PIK3C2G: variants seen among roughly 807,000 people sequenced by gnomAD.
PIK3C2G encodes phosphatidylinositol 3-kinase C2 domain-containing subunit gamma.
Under a neutral mutation model 181.1 loss-of-function variants are expected in PIK3C2G, and 168 were observed. The observed-to-expected ratio is 0.93, with a 90% CI of 0.82 to 1.05. The LOEUF (loss-of-function observed/expected upper bound fraction) is 1.05. Among genes scored for constraint, PIK3C2G ranks in the 50% least tolerant of loss-of-function variants. The pLI, the probability that PIK3C2G is intolerant of heterozygous loss-of-function variation, is 0.00. For missense variants in PIK3C2G, 1,869 were observed against 1,732.8 expected (o/e 1.08, Z -1.40); for synonymous variants, 573 against 592.2 (o/e 0.97, Z 0.47).
the PIK3C2G span, chr12:18,693,213 C>G: frequency 9.5e-6 from 15 of 1,572,116 alleles, no homozygotes; most frequent in Admixed American, 1.7e-5. Context: ...TCTTCTGGAA[C>G]CTGGCTGCTC....
At chr12:18,451,544 T>C (rs542178407) in intron 18 of PIK3C2G, among the ~76,000 whole-genome samples, 1 of 152,348 alleles carries the variant, frequency 6.6e-6, no homozygotes, top group South Asian at 2.1e-4. Flanking sequence ...ACTTCCTCTC[T>C]TCCTATTTGA....
the PIK3C2G span, among the ~76,000 whole-genome samples, chr12:18,697,507 C>A: frequency 4.6e-5 from 7 of 152,060 alleles, no homozygotes; most frequent in Non-Finnish European, 7.4e-5. Flanking sequence ...GGTCTCATAA[C>A]ATAATATGAT....
chr12:18,246,952 T>C (rs180815545), upstream of PIK3C2G, among the ~76,000 whole-genome samples: 2,112 of 152,298 alleles, frequency 0.014, 22 homozygotes, highest in Non-Finnish European at 0.019. Flanking sequence ...TATGTTTACA[T>C]TTGAGATAGT....
At chr12:18,541,829 C>T (rs532665017) in intron 25 of PIK3C2G, among the ~76,000 whole-genome samples, 1 of 151,808 alleles carries the variant, frequency 6.6e-6, no homozygotes, top group African/African-American at 2.4e-5. Context: ...TAAGTGTACC[C>T]GGCTAAGAGG....
intron 1 of PIK3C2G, among the ~76,000 whole-genome samples, chr12:18,265,937 C>T (rs1328979649): frequency 6.8e-6 from 1 of 146,810 alleles, no homozygotes; most frequent in African/African-American, 2.5e-5. Flanking sequence ...TCGCTTGAAC[C>T]CGGGAGGCAG....
At chr12:18,437,799 T>C (rs1946527930) in intron 18 of PIK3C2G, among the ~76,000 whole-genome samples, 1 of 151,906 alleles carries the variant, frequency 6.6e-6, no homozygotes, top group Admixed American at 6.6e-5. Flanking sequence ...GTCTAGATAA[T>C]CAATTACTAG....
the PIK3C2G span, among the ~76,000 whole-genome samples, chr12:18,658,601 G>C: frequency 1.3e-5 from 2 of 151,872 alleles, no homozygotes; most frequent in African/African-American, 4.8e-5. Context: ...AAAAATAAAG[G>C]AGAATTTTTT....
intron 28 of PIK3C2G, among the ~76,000 whole-genome samples, chr12:18,565,339 C>T (rs1945572129): frequency 6.6e-6 from 1 of 152,106 alleles, no homozygotes; most frequent in African/African-American, 2.4e-5. Context: ...TCCAGGGGTA[C>T]ACGACATGAA....
chr12:18,463,570 G>A (rs1375391325), intron 18 of PIK3C2G, among the ~76,000 whole-genome samples: 1 of 152,154 alleles, frequency 6.6e-6, no homozygotes, highest in African/African-American at 2.4e-5. Context: ...TTATATGATG[G>A]TCGTGTTTCT....
At chr12:18,343,026 T>C in intron 9 of PIK3C2G, among the ~76,000 whole-genome samples, 1 of 152,086 alleles carries the variant, frequency 6.6e-6, no homozygotes, top group Non-Finnish European at 1.5e-5. Flanking sequence ...AAATGCACTT[T>C]TATCAAAAAA....
upstream of PIK3C2G, among the ~76,000 whole-genome samples, chr12:18,245,058 T>C (rs923479198): frequency 2.0e-5 from 3 of 152,124 alleles, no homozygotes; most frequent in Non-Finnish European, 4.4e-5. Context: ...GAAGATCAAA[T>C]GATAAAGCAT....
chr12:18,636,875 C>A (rs7299883), intron 31 of PIK3C2G, among the ~76,000 whole-genome samples: 3,096 of 152,276 alleles, frequency 0.02, 108 homozygotes, highest in African/African-American at 0.07. Flanking sequence ...GCTCCCACTT[C>A]ACCTTTTTCA....
Position 18,467,632 on chromosome 12 carries a change from A to T in PIK3C2G, c.2505-20817A>T, listed in dbSNP as rs917074905. 2.4e-4 allele frequency among the ~76,000 whole-genome samples: 36 copies of T among 152,058 alleles called. No individual in the cohort carries two copies. In the East Asian group the frequency reaches 6.4e-3, roughly 27 times the overall value. On this transcript the variant is annotated intron_variant, in intron 18 of 32. Coordinates refer to ENST00000538779, the MANE Select transcript of PIK3C2G (RefSeq NM_001288772.2). ...GGTCCTTCCCTGGGAATCCACAGAA[A>T]TATGCTCCTCATGTTAGGTAGTGAG...
At chr12:18,541,183 A>G (rs1944131286) in intron 25 of PIK3C2G, among the ~76,000 whole-genome samples, 2 of 151,984 alleles carry the variant, frequency 1.3e-5, no homozygotes, top group South Asian at 2.1e-4. Context: ...TCTTGTGCAA[A>G]TGATCAGTCC....
intron 29 of PIK3C2G, among the ~76,000 whole-genome samples, chr12:18,578,311 T>C (rs1288176277): frequency 1.3e-5 from 2 of 152,208 alleles, no homozygotes; most frequent in African/African-American, 4.8e-5. Flanking sequence ...TGGGTTTTTT[T>C]TCCTCCTATA....
chr12:18,717,589 T>G, the PIK3C2G span, among the ~76,000 whole-genome samples: 2 of 152,178 alleles, frequency 1.3e-5, no homozygotes, highest in Non-Finnish European at 2.9e-5. Context: ...ATTTGGAAAC[T>G]AATTGATATC....
At chr12:18,723,468 T>G in the PIK3C2G span, 1 of 1,613,114 alleles carries the variant, frequency 6.2e-7, no homozygotes. Context: ...TAATTTCTTC[T>G]CTGTGCGTGA....
At chr12:18,598,494 C>T (rs1264908907) in intron 30 of PIK3C2G, among the ~76,000 whole-genome samples, 3 of 151,556 alleles carry the variant, frequency 2.0e-5, no homozygotes, top group South Asian at 2.1e-4. Context: ...ATACAAAAAT[C>T]AATTCAAGAT....
intron 18 of PIK3C2G, among the ~76,000 whole-genome samples, chr12:18,474,866 T>A (rs1938816743): frequency 6.6e-6 from 1 of 152,120 alleles, no homozygotes; most frequent in South Asian, 2.1e-4. Flanking sequence ...CTATTTGTCC[T>A]TTTTTCCGAT....
Sources: gnomAD v4.1 joint callset for allele counts (sites outside exome capture counted in the v4.1 genomes callset) on GRCh38, gnomAD v4.1.1 for gene constraint, MANE v1.5 for transcripts, NCBI Gene and HGNC (gene_info 2026-07-23, HGNC 2026-07-21) for gene names.